IFT46: variants seen among roughly 807,000 people sequenced by gnomAD.
IFT46 encodes the protein intraflagellar transport protein 46 homolog.
In IFT46, 19 loss-of-function variants were observed where a neutral mutation model predicts 39.6. The observed-to-expected ratio is 0.48, with a 90% CI of 0.33 to 0.70. IFT46 has a LOEUF of 0.70. Among genes scored for constraint, IFT46 ranks in the 30% least tolerant of loss-of-function variants. The pLI, the probability that IFT46 is intolerant of heterozygous loss-of-function variation, is 0.01. For synonymous variants in IFT46, 117 were observed against 134.8 expected, an observed-to-expected ratio of 0.87 and a Z score of 0.91; for missense variants, 334 against 364.8, an observed-to-expected ratio of 0.92 and a Z score of 0.69.
intron 6 of IFT46, 141 bp from the exon 7 acceptor site, chr11:118,554,728 T>C: frequency 1.1e-6 from 1 of 920,406 alleles, no homozygotes; most frequent in Non-Finnish European, 1.6e-6. Context: ...AAAAAAAATA[T>C]TATCCATAGC....
At chr11:118,556,815 G>A (rs1937852077) in intron 4 of IFT46, 91 bp downstream of exon 4, 3 of 1,408,220 alleles carry the variant, frequency 2.1e-6, no homozygotes, top group South Asian at 1.8e-5. Context: ...AAGAGATGCT[G>A]GAATTTCACT....
At chr11:118,549,040 G>T (rs554810960) in intron 9 of IFT46, among the ~76,000 whole-genome samples, 2 of 151,980 alleles carry the variant, frequency 1.3e-5, no homozygotes, top group East Asian at 3.9e-4. Flanking sequence ...GGGATTACAG[G>T]TGCCTGCCAC....
intron 1 of IFT46, among the ~76,000 whole-genome samples, chr11:118,565,310 A>G (rs1256204943): frequency 6.6e-6 from 1 of 151,998 alleles, no homozygotes; most frequent in Non-Finnish European, 1.5e-5. Flanking sequence ...TCGTGGAGGG[A>G]AAGAGAGCCA....
chr11:118,547,518 A>G (rs1323189705), intron 9 of IFT46, among the ~76,000 whole-genome samples: 1 of 152,094 alleles, frequency 6.6e-6, no homozygotes, highest in Non-Finnish European at 1.5e-5. Flanking sequence ...TCCTGGATTC[A>G]AGCAATTCTC....
At chr11:118,548,509 C>T (rs1320883903) in intron 9 of IFT46, among the ~76,000 whole-genome samples, 17 of 150,676 alleles carry the variant, frequency 1.1e-4, no homozygotes, top group African/African-American at 3.2e-4. Context: ...GGACTACAGG[C>T]GTGCATCACC....
chr11:118,550,615 C>T (rs1951786280), intron 9 of IFT46, among the ~76,000 whole-genome samples: 1 of 152,160 alleles, frequency 6.6e-6, no homozygotes, highest in Non-Finnish European at 1.5e-5. Context: ...GCCCGGCCCA[C>T]ATTAACTCTT....
At chr11:118,557,967 G>A (rs1474860170) in intron 3 of IFT46, 1 of 1,265,406 alleles carries the variant, frequency 7.9e-7, no homozygotes, top group African/African-American at 1.5e-5. Context: ...GGCTTATACT[G>A]AGGTTAACAC....
At chr11:118,558,912 CA>C (rs782109391) in intron 3 of IFT46, among the ~76,000 whole-genome samples, 73 of 107,072 alleles carry the variant, frequency 6.8e-4, no homozygotes, top group South Asian at 4.3e-3. Flanking sequence ...GACTCTGTCT[CA>C]AAAAAAAAAA....
At position 118,554,558 on chromosome 11, in the gene IFT46, G is replaced by A. The variant is rs898626354; in HGVS notation, c.384C>T (p.Asn128=). ...GTTCATCCAATACCAATAGGCCAAGGTTGTCAGGCTTTCCATCAGGACGTG... is the reference window on the plus strand; with the variant it reads ...GTTCATCCAATACCAATAGGCCAAGATTGTCAGGCTTTCCATCAGGACGTG... The part of the protein sequence containing the change: ...KVPRPDGKPD[N]LGLLVLDEPS... The change falls in exon 7 of 12, where the codon AAC becomes AAT. Residue 128 remains asparagine (N), a synonymous_variant. Transcript: ENST00000264021. 8 of 1,610,676 alleles carry A rather than the reference G, an allele frequency of 5.0e-6. No homozygotes were observed. The highest frequency in any genetic ancestry group is 1.7e-5 in the Admixed American group (1 of 58,878).
At chr11:118,558,519 C>G (rs1937919049) in intron 3 of IFT46, among the ~76,000 whole-genome samples, 1 of 151,990 alleles carries the variant, frequency 6.6e-6, no homozygotes, top group African/African-American at 2.4e-5. Flanking sequence ...TGCTTGAACC[C>G]TGGAGGCGGA....
At position 118,558,319 on chromosome 11, in the gene IFT46, C is replaced by T. The variant is rs547568870; in HGVS notation, c.46-1274G>A. ...GGAACTTTTAAGAATATTGTCAGCC[C>T]GGGGTGGTGGCTCATGCCTGTAATC... is the stretch of plus-strand genomic sequence containing the variant. On this transcript the variant is annotated intron_variant, in intron 3 of 11. Coordinates refer to ENST00000264021, the MANE Select transcript of IFT46 (RefSeq NM_001168618.2). Among the ~76,000 whole-genome samples the T allele has an allele frequency of 4.6e-5, 7 of 152,220 alleles. No individual in the cohort carries two copies. In the East Asian group the frequency reaches 1.4e-3, roughly 29 times the overall value.
rs782619925 is a variant in IFT46, at chr11:118,545,406, C to T, written c.819+3G>A. On this transcript the variant is annotated splice_donor_region_variant and intron_variant, in intron 11 of 11. Coordinates refer to ENST00000264021, the MANE Select transcript of IFT46 (RefSeq NM_001168618.2). ...TTAAGTCAACCCCTGATGCTTGGCTCACCTGTGAGTTCTTGAATTCTGAGT... is the reference window on the plus strand; with the variant it reads ...TTAAGTCAACCCCTGATGCTTGGCTTACCTGTGAGTTCTTGAATTCTGAGT... 1 of 1,604,128 alleles carries T rather than the reference C, an allele frequency of 6.2e-7. No homozygotes were observed. The highest frequency in any genetic ancestry group is 2.2e-5 in the East Asian group (1 of 44,824).
At chr11:118,557,963 T>C in intron 3 of IFT46, 2 of 1,317,804 alleles carry the variant, frequency 1.5e-6, no homozygotes, top group Non-Finnish European at 2.1e-6. Context: ...GTATGGCTTA[T>C]ACTGAGGTTA....
chr11:118,563,191 G>A (rs1300117450), intron 2 of IFT46, among the ~76,000 whole-genome samples: 2 of 150,044 alleles, frequency 1.3e-5, no homozygotes, highest in African/African-American at 5.1e-5. Context: ...AGCCACAAAA[G>A]GATAAATACA....
Position 118,545,014 on chromosome 11 carries a change from G to A in IFT46, c.820-3C>T, listed in dbSNP as rs1555066701. On this transcript the variant is annotated splice_polypyrimidine_tract_variant and splice_region_variant and intron_variant, in intron 11 of 11. Coordinates refer to ENST00000264021, the MANE Select transcript of IFT46 (RefSeq NM_001168618.2). ...CCTTCAGCGAGAGCTTTAAAATGCTGCAAGGAAGAGGAGAGGGAATATTGA... is the reference window on the plus strand; with the variant it reads ...CCTTCAGCGAGAGCTTTAAAATGCTACAAGGAAGAGGAGAGGGAATATTGA... The A allele has an allele frequency of 1.3e-6, 2 of 1,598,762 alleles. No individual in the cohort carries two copies. Among genetic ancestry groups the A allele is most frequent in the African/African-American group, 2.7e-5 (2 of 74,682 alleles).
At chr11:118,552,720 G>A (rs1248984544) in intron 7 of IFT46, among the ~76,000 whole-genome samples, 1 of 151,706 alleles carries the variant, frequency 6.6e-6, no homozygotes, top group African/African-American at 2.4e-5. Flanking sequence ...TTGAGCCCAG[G>A]CGTTTGAGGT....
At chr11:118,556,874 G>C (rs782371205) in intron 4 of IFT46, 32 bp downstream of exon 4, 3 of 1,507,838 alleles carry the variant, frequency 2.0e-6, no homozygotes, top group Non-Finnish European at 2.7e-6. Flanking sequence ...GTATTCTGAA[G>C]AGCACCCTTG....
rs1937865057 is a variant in IFT46, at chr11:118,557,058, A to C, written c.46-13T>G. 6.3e-6 allele frequency: 10 copies of C among 1,585,434 alleles called. No homozygotes were observed. The highest frequency in any genetic ancestry group is 1.4e-5 in the African/African-American group (1 of 73,864). On this transcript the variant is annotated splice_polypyrimidine_tract_variant and intron_variant, in intron 3 of 11. Transcript: ENST00000264021. ...TCTTCTTCTTCTCCTGTGATAGGGCAGGGCAGGCATAGAAAGCTTCAAGTA... is the reference window on the plus strand; with the variant it reads ...TCTTCTTCTTCTCCTGTGATAGGGCCGGGCAGGCATAGAAAGCTTCAAGTA...
intron 2 of IFT46, among the ~76,000 whole-genome samples, chr11:118,562,149 C>T (rs1938079221): frequency 6.6e-6 from 1 of 152,076 alleles, no homozygotes; most frequent in Admixed American, 6.6e-5. Context: ...TGGTGGCACA[C>T]TCCTATAATC....
Sources: allele counts gnomAD v4.1 joint callset (sites outside exome capture counted in the v4.1 genomes callset), GRCh38; gene constraint gnomAD v4.1.1; transcripts MANE v1.5; gene names NCBI Gene and HGNC (gene_info 2026-07-23, HGNC 2026-07-21).